ZNF549: variants seen among roughly 807,000 people sequenced by gnomAD.
The protein encoded by ZNF549 is zinc finger protein 549.
A neutral mutation model predicts 11.1 loss-of-function variants in ZNF549; 11 were observed. The observed-to-expected ratio is 0.99, with a 90% CI of 0.62 to 1.64. ZNF549 has a LOEUF of 1.64. Among genes scored for constraint, ZNF549 ranks in the 40% most tolerant of loss-of-function variants. The pLI, the probability that ZNF549 is intolerant of heterozygous loss-of-function variation, is 0.00. For synonymous variants in ZNF549, 266 were observed against 269.1 expected (o/e 0.99, Z 0.11); for missense variants, 748 against 765.1 (o/e 0.98, Z 0.26).
chr19:57,532,719 A>G (rs148868177), intron 2 of ZNF549, among the ~76,000 whole-genome samples: 40 of 152,340 alleles, frequency 2.6e-4, no homozygotes, highest in African/African-American at 9.6e-4. Context: ...TGTTGGACAA[A>G]GTAATCTAAA....
Position 57,538,495 on chromosome 19 carries a change from A to AG in ZNF549, c.1492dup (p.Glu498GlyfsTer5), listed in dbSNP as rs758828427. On this transcript the variant is annotated frameshift_variant, in exon 4 of 4. Coordinates refer to ENST00000376233, the MANE Select transcript of ZNF549 (RefSeq NM_001199295.2). LOFTEE classifies it low-confidence loss of function (END_TRUNC). ...TTAAGCATCACAAAATCCACACTAG[A>AG]GAAAGGCCTTATGAATGCAGTGAAT... 2 of 1,614,206 alleles carry AG rather than the reference A, an allele frequency of 1.2e-6. No homozygotes were observed. Among genetic ancestry groups the AG allele is most frequent in the Non-Finnish European group, 1.7e-6 (2 of 1,180,038 alleles).
chr19:57,538,565 A>G lies in ZNF549; in HGVS notation c.1561A>G (p.Arg521Gly). ...YLEVKLLQHQ[R>G]IHTREQLCEC... ...TGAGGTTAAACTTCTTCAGCACCAA[A>G]GAATCCATACTAGAGAACAACTTTG... Residue 521 changes from arginine to glycine, a missense_variant, in exon 4 of 4, where the codon AGA becomes GGA. Transcript: ENST00000376233. 6.2e-7 allele frequency: 1 copy of G among 1,614,220 alleles called. No individual in the cohort carries two copies. Among genetic ancestry groups the G allele is most frequent in the East Asian group, 2.2e-5 (1 of 44,884 alleles).
intron 2 of ZNF549, among the ~76,000 whole-genome samples, chr19:57,531,368 A>G (rs1328081329): frequency 6.6e-6 from 1 of 152,188 alleles, no homozygotes; most frequent in Non-Finnish European, 1.5e-5. Flanking sequence ...GATGAGAATG[A>G]TATGGGCATA....
rs182000843 is a variant in ZNF549 at position 57,540,057 on chromosome 19, A to C, written c.*1130A>C. ...TAAAGATTTTGTGGACTCATAACTT[A>C]TGTACTGTTTTTGAGATGATTGCTG... On this transcript the variant is annotated 3_prime_UTR_variant, in exon 4 of 4. Transcript: ENST00000376233. 2 of 152,306 alleles carry C rather than the reference A, an allele frequency of 1.3e-5. No homozygotes were observed. Among genetic ancestry groups the C allele is most frequent in the East Asian group, 3.9e-4 (2 of 5,180 alleles). The allele number at this position is 152,306 out of a possible 1,614,324, so 9.4% of individuals were successfully genotyped here.
At chr19:57,527,710 A>G in intron 1 of ZNF549, 104 bp downstream of exon 1, 1 of 1,412,342 alleles carries the variant, frequency 7.1e-7, no homozygotes, top group Non-Finnish European at 9.8e-7. Context: ...GACAGCGAGG[A>G]GTTCTGGGTG....
Position 57,538,435 on chromosome 19 carries a change from CTG to C in ZNF549, c.1434_1435del (p.Cys478TrpfsTer12). Reference sequence around the variant, plus strand: ...GAGAAAGGGCTTATGAATGCAGTGACTGTGGGAAAGCCTTCATCTCCAAACAA... The same window carrying C: ...GAGAAAGGGCTTATGAATGCAGTGACTGGGAAAGCCTTCATCTCCAAACAA... ...TGERAYECSD[C>X]GKAFISKQTL... On this transcript the variant is annotated frameshift_variant, in exon 4 of 4. Coordinates refer to ENST00000376233, the MANE Select transcript of ZNF549 (RefSeq NM_001199295.2). LOFTEE classifies it low-confidence loss of function (END_TRUNC). 1 of 1,613,888 alleles carries C rather than the reference CTG, an allele frequency of 6.2e-7. No homozygotes were observed. Among genetic ancestry groups the C allele is most frequent in the South Asian group, 1.1e-5 (1 of 91,046 alleles).
intron 3 of ZNF549, among the ~76,000 whole-genome samples, chr19:57,535,590 C>T (rs1044124261): frequency 1.3e-5 from 2 of 152,144 alleles, no homozygotes. Context: ...CTCCCCCTGC[C>T]TTTAGTAGAC....
In ZNF549 at chr19:57,538,888, T is replaced by C. The variant is rs2089941966; in HGVS notation, c.1884T>C (p.Leu628=). The part of the protein sequence containing the change: ...CGKAFNKRYS[L]VRHQKVHITE... ...AAGCCTTCAACAAAAGATATTCCCT[T>C]GTCAGGCACCAGAAGGTACATATAA... Residue 628 remains leucine (L), a synonymous_variant, in exon 4 of 4, where the codon CTT becomes CTC. Transcript: ENST00000376233. 3.1e-6 allele frequency: 5 copies of C among 1,608,212 alleles called. No homozygotes were observed. The highest frequency in any genetic ancestry group is 2.2e-5 in the East Asian group (1 of 44,882).
chr19:57,535,869 C>T (rs550661026), intron 3 of ZNF549, among the ~76,000 whole-genome samples: 5 of 152,164 alleles, frequency 3.3e-5, no homozygotes, highest in African/African-American at 9.6e-5. Flanking sequence ...TTCCTGAAAG[C>T]GTAGTGAAGT....
At chr19:57,535,956 T>C (rs1287376557) in intron 3 of ZNF549, among the ~76,000 whole-genome samples, 1 of 152,148 alleles carries the variant, frequency 6.6e-6, no homozygotes, top group Admixed American at 6.5e-5. Flanking sequence ...ATTTGAGGGC[T>C]GAACTCAAAT....
In ZNF549 at chr19:57,539,317, G is replaced by A. The variant is rs1242364708; in HGVS notation, c.*390G>A. ...ACCAAGAAGAGCAATCTGGATTCTT[G>A]TAGCCCATGGAGGTTTACCTTCTTC... On this transcript the variant is annotated 3_prime_UTR_variant, in exon 4 of 4. Transcript: ENST00000376233. 3 of 165,122 alleles carry A rather than the reference G, an allele frequency of 1.8e-5. No homozygotes were observed. The highest frequency in any genetic ancestry group is 4.0e-5 in the Non-Finnish European group (3 of 75,852). The allele number at this position is 165,122 out of a possible 1,614,324, so 10.2% of individuals were successfully genotyped here.
In ZNF549 at chr19:57,537,586, C is replaced by T. The variant is rs1714369718; in HGVS notation, c.582C>T (p.Ile194=). 1 of 1,614,180 alleles carries T rather than the reference C, an allele frequency of 6.2e-7. No individual in the cohort carries two copies. Among genetic ancestry groups the T allele is most frequent in the Admixed American group, 1.7e-5 (1 of 60,026 alleles). ...ATGTTGAGAAGGATTTTCCAACCATCCTGGGCCTTCTCCAACACCAGACCA... is the reference window on the plus strand; with the variant it reads ...ATGTTGAGAAGGATTTTCCAACCATTCTGGGCCTTCTCCAACACCAGACCA... The part of the protein sequence containing the change: ...CKDVEKDFPT[I]LGLLQHQTTH... Residue 194 remains isoleucine (I), a synonymous_variant, in exon 4 of 4, where the codon ATC becomes ATT. Coordinates refer to ENST00000376233, the MANE Select transcript of ZNF549 (RefSeq NM_001199295.2).
rs551558423 is a variant in ZNF549, at chr19:57,540,528, G to A, written c.*1601G>A. The A allele has an allele frequency of 6.6e-6, 1 of 152,232 alleles. No homozygotes were observed. Among genetic ancestry groups the A allele is most frequent in the Non-Finnish European group, 1.5e-5 (1 of 68,080 alleles). 9.4% of individuals were successfully genotyped at this position (152,232 alleles called of 1,614,324 possible). On this transcript the variant is annotated 3_prime_UTR_variant, in exon 4 of 4. Coordinates refer to ENST00000376233, the MANE Select transcript of ZNF549 (RefSeq NM_001199295.2). ...TAATCCCAGCACTTTGGGAGGCCAAGGCAGGTGGATCACCTGAGGTCAGGA... is the reference window on the plus strand; with the variant it reads ...TAATCCCAGCACTTTGGGAGGCCAAAGCAGGTGGATCACCTGAGGTCAGGA...
At chr19:57,535,799 C>G (rs2089922108) in intron 3 of ZNF549, among the ~76,000 whole-genome samples, 1 of 152,108 alleles carries the variant, frequency 6.6e-6, no homozygotes, top group South Asian at 2.1e-4. Flanking sequence ...AGGATTTCTT[C>G]TACCTTCCAG....
chr19:57,538,933 GT>G lies in ZNF549; in HGVS notation c.*8del. The G allele has an allele frequency of 6.3e-7, 1 of 1,591,520 alleles. No individual in the cohort carries two copies. The highest frequency in any genetic ancestry group is 8.5e-7 in the Non-Finnish European group (1 of 1,174,482). On this transcript the variant is annotated 3_prime_UTR_variant, in exon 4 of 4. Transcript: ENST00000376233. ...ATATAACAGAAGAGCCCTAGCAATT[GT>G]TGGGATGTGTAATTGTCTTATTCAC...
chr19:57,539,558 G>GTC lies in ZNF549; in HGVS notation c.*634_*635dup, dbSNP rs760305815. 2 of 152,318 alleles carry GTC rather than the reference G, an allele frequency of 1.3e-5. No homozygotes were observed. The highest frequency in any genetic ancestry group is 4.1e-4 in the South Asian group (2 of 4,830). The allele number at this position is 152,318 out of a possible 1,614,324, so 9.4% of individuals were successfully genotyped here. On this transcript the variant is annotated 3_prime_UTR_variant, in exon 4 of 4. Coordinates refer to ENST00000376233, the MANE Select transcript of ZNF549 (RefSeq NM_001199295.2). Reference sequence around the variant, plus strand: ...GTCTTAATTTTTATTGGTTTCCAAGGTCTCCTAGGAAGGAGAGCAGAGCTG... The same window carrying GTC: ...GTCTTAATTTTTATTGGTTTCCAAGGTCTCTCCTAGGAAGGAGAGCAGAGCTG...
rs775658330 is a variant in ZNF549 at position 57,538,850 on chromosome 19, G to C, written c.1846G>C (p.Gly616Arg). 1 of 1,613,142 alleles carries C rather than the reference G, an allele frequency of 6.2e-7. No individual in the cohort carries two copies. Among genetic ancestry groups the C allele is most frequent in the Admixed American group, 1.7e-5 (1 of 60,018 alleles). The change falls in exon 4 of 4, where the codon GGT becomes CGT. Residue 616 changes from glycine to arginine, a missense_variant. Transcript: ENST00000376233. The part of the protein sequence containing the change: ...IHTGEKPYEC[G>R]KCGKAFNKRY... ...CACCGGAGAAAAGCCGTATGAATGTGGTAAATGTGGGAAAGCCTTCAACAA... is the reference window on the plus strand; with the variant it reads ...CACCGGAGAAAAGCCGTATGAATGTCGTAAATGTGGGAAAGCCTTCAACAA...
chr19:57,532,451 C>T (rs938656954), intron 2 of ZNF549, among the ~76,000 whole-genome samples: 1 of 152,132 alleles, frequency 6.6e-6, no homozygotes, highest in African/African-American at 2.4e-5. Flanking sequence ...GAGCAAGGAC[C>T]TGTGGGCAGG....
rs1427014183 is a variant in ZNF549, at chr19:57,537,745, T to C, written c.741T>C (p.Tyr247=). 5 of 1,614,076 alleles carry C rather than the reference T, an allele frequency of 3.1e-6. No individual in the cohort carries two copies. Among genetic ancestry groups the C allele is most frequent in the East Asian group, 2.2e-5 (1 of 44,900 alleles). The part of the protein sequence containing the change: ...HQRVHTGEKA[Y]KRREYGKSLN... ...GAGTCCACACTGGAGAAAAAGCTTA[T>C]AAGCGTAGGGAATATGGGAAATCCT... The change falls in exon 4 of 4, where the codon TAT becomes TAC. Residue 247 remains tyrosine (Y), a synonymous_variant. Transcript: ENST00000376233.
Sources: allele counts gnomAD v4.1 joint callset (sites outside exome capture counted in the v4.1 genomes callset), GRCh38; gene constraint gnomAD v4.1.1; transcripts MANE v1.5; gene names NCBI Gene and HGNC (gene_info 2026-07-23, HGNC 2026-07-21).